The following UGT2A2 variants were observed in gnomAD, a reference collection of about 807,000 sequenced individuals.
UGT2A2 encodes UDP-glucuronosyltransferase 2A2.
UGT2A2 carries 60 observed loss-of-function variants against 50.7 expected under a neutral mutation model. That is an observed-to-expected ratio of 1.18 (90% CI 0.96 to 1.47). The LOEUF (loss-of-function observed/expected upper bound fraction) is 1.47, where lower values mean the gene tolerates loss of function less well. Among genes scored for constraint, UGT2A2 ranks in the 40% most tolerant of loss-of-function variants. The probability of loss-of-function intolerance (pLI) is 0.00; values close to 1 mark genes in which losing one functional copy is unlikely to be tolerated. For missense variants in UGT2A2, 762 were observed against 634.0 expected, an observed-to-expected ratio of 1.20 and a Z score of -2.17; for synonymous variants, 242 against 214.6, an observed-to-expected ratio of 1.13 and a Z score of -1.11.
intron 1 of UGT2A2, among the ~76,000 whole-genome samples, chr4:69,622,166 T>G (rs1333333540): frequency 6.6e-6 from 1 of 151,814 alleles, no homozygotes; most frequent in Non-Finnish European, 1.5e-5. Context: ...AGGTTTTTAT[T>G]TTTTTAAATA....
In UGT2A2 at chr4:69,594,806, G is replaced by A. The variant is rs966307867; in HGVS notation, c.1112-110C>T. 32 of 1,320,886 alleles carry A rather than the reference G, an allele frequency of 2.4e-5. No individual in the cohort carries two copies. The East Asian group carries it at 6.8e-4, about 28-fold the overall frequency. The allele number at this position is 1,320,886 out of a possible 1,614,324, so 81.8% of individuals were successfully genotyped here. ...AATGTAACTCTCTAAAGAAGGATAC[G>A]TTTTCTACAAAAGCAGATCACATAG... On this transcript the variant is annotated intron_variant, in intron 4 of 5. Coordinates refer to ENST00000604629, the MANE Select transcript of UGT2A2 (RefSeq NM_001105677.2).
intron 1 of UGT2A2, among the ~76,000 whole-genome samples, chr4:69,614,211 C>T (rs1395626969): frequency 6.6e-6 from 1 of 151,864 alleles, no homozygotes; most frequent in Admixed American, 6.6e-5. Flanking sequence ...AGGAAGTAAT[C>T]CCATTTGCAA....
At chr4:69,611,549 T>A (rs1381409230) in intron 1 of UGT2A2, among the ~76,000 whole-genome samples, 1 of 152,106 alleles carries the variant, frequency 6.6e-6, no homozygotes, top group Non-Finnish European at 1.5e-5. Context: ...GCTCAGAGTT[T>A]TTTTCTCCAA....
intron 5 of UGT2A2, among the ~76,000 whole-genome samples, chr4:69,594,276 T>C (rs1280251519): frequency 6.6e-6 from 1 of 152,072 alleles, no homozygotes; most frequent in Non-Finnish European, 1.5e-5. Context: ...GCCCGGCCAA[T>C]ATTTGAAGTC....
chr4:69,623,442 A>G lies in UGT2A2; in HGVS notation c.742+15457T>C, dbSNP rs561482482. 1.0e-3 allele frequency among the ~76,000 whole-genome samples: 158 copies of G among 151,962 alleles called. 1 individual carries two copies. The highest frequency in any genetic ancestry group is 3.4e-3 in the Middle Eastern group (1 of 292). The stretch of plus-strand genomic sequence containing the variant: ...TGGGATAGGGAAAAGACAAAAGCCA[A>G]TATGAATGCATTACCAAGTCACTTG... On this transcript the variant is annotated intron_variant, in intron 1 of 5. Transcript: ENST00000604629.
At chr4:69,635,533 G>A (rs1475515777) in intron 1 of UGT2A2, among the ~76,000 whole-genome samples, 1 of 152,122 alleles carries the variant, frequency 6.6e-6, no homozygotes, top group Non-Finnish European at 1.5e-5. Flanking sequence ...AGTTGAGGAA[G>A]AAATAAAGTT....
intron 1 of UGT2A2, among the ~76,000 whole-genome samples, chr4:69,633,813 C>A (rs756442885): frequency 3.3e-5 from 5 of 151,910 alleles, no homozygotes; most frequent in Non-Finnish European, 7.4e-5. Context: ...GACTGATAAG[C>A]GGATGAAAGA....
At chr4:69,589,736 A>T in intron 5 of UGT2A2, 85 bp from the exon 6 acceptor site, 2 of 1,516,032 alleles carry the variant, frequency 1.3e-6, no homozygotes, top group East Asian at 2.3e-5. Flanking sequence ...CTTTTGCTCT[A>T]CAAGTTTAAG....
intron 1 of UGT2A2, among the ~76,000 whole-genome samples, chr4:69,636,002 G>A (rs1203252366): frequency 6.6e-6 from 1 of 151,908 alleles, no homozygotes; most frequent in African/African-American, 2.4e-5. Context: ...AGCTATTAAA[G>A]GTATTTTTAA....
Position 69,611,533 on chromosome 4 carries a change from G to T in UGT2A2, c.743-12139C>A, listed in dbSNP as rs565991186. 2.0e-5 allele frequency among the ~76,000 whole-genome samples: 3 copies of T among 152,092 alleles called. No homozygotes were observed. The East Asian group carries it at 5.8e-4, about 30-fold the overall frequency. On this transcript the variant is annotated intron_variant, in intron 1 of 5. Transcript: ENST00000604629. ...CTTTAAATGAAGAGTAATGCTACAT[G>T]ATATAGCTCAGAGTTTTTTTCTCCA...
At chr4:69,627,124 T>C (rs1721105066) in intron 1 of UGT2A2, among the ~76,000 whole-genome samples, 1 of 151,946 alleles carries the variant, frequency 6.6e-6, no homozygotes, top group South Asian at 2.1e-4. Context: ...TATTTGCACA[T>C]ACTGACACAC....
chr4:69,629,006 G>T (rs6849110), intron 1 of UGT2A2, among the ~76,000 whole-genome samples: 5,268 of 151,280 alleles, frequency 0.035, 294 homozygotes, highest in African/African-American at 0.12. Flanking sequence ...GGTGATATCA[G>T]GTGATACATG....
intron 3 of UGT2A2, among the ~76,000 whole-genome samples, chr4:69,595,918 A>C (rs895001195): frequency 1.3e-5 from 2 of 152,176 alleles, no homozygotes; most frequent in Admixed American, 6.5e-5. Flanking sequence ...GGAGCTAACA[A>C]ACTTCAAAAC....
chr4:69,594,785 T>C, intron 4 of UGT2A2, 89 bp from the exon 5 acceptor site: 3 of 1,429,472 alleles, frequency 2.1e-6, no homozygotes, highest in South Asian at 2.7e-5. Context: ...AGCTGTAATG[T>C]AACTCTCTAA....
In UGT2A2 at chr4:69,589,037, T is replaced by C. The variant is rs778394813; in HGVS notation, c.*335A>G. On this transcript the variant is annotated 3_prime_UTR_variant, in exon 6 of 6. Transcript: ENST00000604629. Reference sequence around the variant, plus strand: ...TTACCAGGATTCAGCATATTGTTAATCATTAATTAAGGTTAACGATAAAAT... The same window carrying C: ...TTACCAGGATTCAGCATATTGTTAACCATTAATTAAGGTTAACGATAAAAT... The C allele has an allele frequency of 1.6e-5, 3 of 189,650 alleles. No individual in the cohort carries two copies. Among genetic ancestry groups the C allele is most frequent in the African/African-American group, 4.7e-5 (2 of 42,206 alleles). The allele number at this position is 189,650 out of a possible 1,614,324, so 11.7% of individuals were successfully genotyped here. A position where few individuals can be genotyped will look rare whatever the true frequency, so the allele number is the denominator to read the frequency against.
At position 69,594,784 on chromosome 4, in the gene UGT2A2, G is replaced by A. The variant is rs530484168; in HGVS notation, c.1112-88C>T. The A allele has an allele frequency of 6.3e-5, 91 of 1,434,494 alleles. No individual in the cohort carries two copies. In the African/African-American group the frequency reaches 1.2e-3, roughly 20 times the overall value. The allele number at this position is 1,434,494 out of a possible 1,614,324, so 88.9% of individuals were successfully genotyped here. ...ACAGAAGGGGTCAAAAAGCTGTAAT[G>A]TAACTCTCTAAAGAAGGATACGTTT... On this transcript the variant is annotated intron_variant, in intron 4 of 5. Transcript: ENST00000604629.
At chr4:69,637,891 G>A (rs534871620) in intron 1 of UGT2A2, among the ~76,000 whole-genome samples, 1 of 150,890 alleles carries the variant, frequency 6.6e-6, no homozygotes, top group South Asian at 2.1e-4. Flanking sequence ...AGTAAAAAAG[G>A]AAGGAAGGCA....
At chr4:69,633,193 C>T (rs1342970449) in intron 1 of UGT2A2, among the ~76,000 whole-genome samples, 1 of 152,076 alleles carries the variant, frequency 6.6e-6, no homozygotes, top group Non-Finnish European at 1.5e-5. Context: ...CACACATACA[C>T]ATTTGATGAA....
rs370510666 is a variant in UGT2A2, at chr4:69,596,038, G to T, written c.1023+212C>A. Among the ~76,000 whole-genome samples the T allele has an allele frequency of 2.0e-4, 31 of 152,274 alleles. No individual in the cohort carries two copies. The East Asian group carries it at 3.1e-3, about 15-fold the overall frequency. On this transcript the variant is annotated intron_variant, in intron 3 of 5. Transcript: ENST00000604629. The stretch of plus-strand genomic sequence containing the variant: ...AAAATAAATGACTTCAAAAAAGTAT[G>T]TGTTTCTAAAATAATGCCAAGGCTC...
Sources: gnomAD v4.1 joint callset for allele counts (sites outside exome capture counted in the v4.1 genomes callset) on GRCh38, gnomAD v4.1.1 for gene constraint, MANE v1.5 for transcripts, NCBI Gene and HGNC (gene_info 2026-07-23, HGNC 2026-07-21) for gene names.